The following STK3 variants were observed in gnomAD, a reference collection of about 807,000 sequenced individuals.
STK3 encodes serine/threonine kinase 3.
A neutral mutation model predicts 58.0 loss-of-function variants in STK3; 41 were observed. The ratio of observed to expected loss-of-function variants is 0.71; its 90% CI spans 0.55 to 0.92. The LOEUF is 0.92. STK3 is among the 40% of genes least tolerant of loss of function. The probability of loss-of-function intolerance (pLI) is 0.00; values close to 1 mark genes in which losing one functional copy is unlikely to be tolerated. For missense variants in STK3, 479 were observed against 602.7 expected (o/e 0.79, Z 2.15); for synonymous variants, 170 against 191.0 (o/e 0.89, Z 0.91).
At chr8:98,915,432 CTATATATATA>C (rs56187203) in intron 1 of STK3, among the ~76,000 whole-genome samples, 2,279 of 94,736 alleles carry the variant, frequency 0.024, 202 homozygotes, top group African/African-American at 0.11. Flanking sequence ...ATAAACTTTC[CTATATATATA>C]TATATATATA....
intron 3 of STK3, among the ~76,000 whole-genome samples, chr8:98,843,944 G>A (rs2131815471): frequency 6.6e-6 from 1 of 152,336 alleles, no homozygotes; most frequent in South Asian, 2.1e-4. Context: ...AGTATCGCTT[G>A]AGCCCAGGAG....
At chr8:98,661,419 C>G (rs1169969069) in intron 6 of STK3, among the ~76,000 whole-genome samples, 1 of 152,030 alleles carries the variant, frequency 6.6e-6, no homozygotes, top group Non-Finnish European at 1.5e-5. Context: ...CCCTTTTTCT[C>G]TATCACCGCA....
intron 1 of STK3, among the ~76,000 whole-genome samples, chr8:98,933,001 G>A (rs1166711534): frequency 6.6e-6 from 1 of 152,170 alleles, no homozygotes; most frequent in Non-Finnish European, 1.5e-5. Flanking sequence ...CTGAGCCTCT[G>A]TGGCCACATA....
At chr8:98,802,643 T>G (rs1170140621) in intron 1 of STK3, among the ~76,000 whole-genome samples, 1 of 152,062 alleles carries the variant, frequency 6.6e-6, no homozygotes, top group African/African-American at 2.4e-5. Flanking sequence ...TTAGAAATAA[T>G]TAGACACAAA....
chr8:98,443,870 A>G (rs1818791464), intron 1 of STK3, among the ~76,000 whole-genome samples: 1 of 152,206 alleles, frequency 6.6e-6, no homozygotes, highest in African/African-American at 2.4e-5. Context: ...AGTTGAAGAC[A>G]TGCATCATAA....
intron 1 of STK3, among the ~76,000 whole-genome samples, chr8:98,797,963 G>C (rs1833285580): frequency 6.6e-6 from 1 of 152,168 alleles, no homozygotes; most frequent in Non-Finnish European, 1.5e-5. Flanking sequence ...GAATAAAGTA[G>C]AAACATTTTG....
At chr8:98,869,465 T>A (rs1837285544) in intron 3 of STK3, among the ~76,000 whole-genome samples, 2 of 152,148 alleles carry the variant, frequency 1.3e-5, no homozygotes, top group South Asian at 4.1e-4. Context: ...TCTCTAGATG[T>A]AATCATCCTG....
intron 9 of STK3, among the ~76,000 whole-genome samples, chr8:98,536,870 C>T (rs1809809239): frequency 6.6e-6 from 1 of 152,148 alleles, no homozygotes; most frequent in Admixed American, 6.6e-5. Flanking sequence ...CAGAAACATC[C>T]CAATTTCAAA....
chr8:98,437,378 G>C (rs931783286), intron 1 of STK3: 4 of 152,260 alleles, frequency 2.6e-5, no homozygotes, highest in Non-Finnish European at 5.9e-5. Flanking sequence ...AGGGATGACC[G>C]AGCCTGTGCC....
At chr8:98,858,116 CTCATGCCTGTAA>C (rs1278141874) in intron 3 of STK3, among the ~76,000 whole-genome samples, 1 of 151,218 alleles carries the variant, frequency 6.6e-6, no homozygotes, top group Non-Finnish European at 1.5e-5. Flanking sequence ...GGCACAGTGG[CTCATGCCTGTAA>C]TCCCAGTCCT....
Position 98,562,737 on chromosome 8 carries a change from G to GAAA in STK3, c.949-14579_949-14577dup, listed in dbSNP as rs778049177. On this transcript the variant is annotated intron_variant, in intron 8 of 10. Coordinates refer to ENST00000419617, the MANE Select transcript of STK3 (RefSeq NM_006281.4). ...TAAGACTCCCATCTCCACAAAAAAT[G>GAAA]AAAAAAAAAAAAAAAAAAAAAAAAA... Among the ~76,000 whole-genome samples the GAAA allele has an allele frequency of 1.4e-3, 25 of 17,382 alleles. 3 individuals are homozygous for GAAA. The highest frequency in any genetic ancestry group is 2.1e-3 in the Non-Finnish European group (22 of 10,406). The allele number at this position is 17,382 out of a possible 152,430, so 11.4% of individuals were successfully genotyped here.
At chr8:98,374,219 C>A (rs900225112) in intron 2 of STK3, among the ~76,000 whole-genome samples, 3 of 152,148 alleles carry the variant, frequency 2.0e-5, no homozygotes, top group African/African-American at 7.2e-5. Context: ...AAAAAGCATC[C>A]TGGGAGAAGC....
intron 6 of STK3, among the ~76,000 whole-genome samples, chr8:98,600,745 T>C (rs1338571775): frequency 6.6e-6 from 1 of 152,034 alleles, no homozygotes; most frequent in African/African-American, 2.4e-5. Flanking sequence ...AGTCAAACAA[T>C]TGAGGGTGCT....
At chr8:98,707,698 C>A (rs1041836848) in intron 4 of STK3, among the ~76,000 whole-genome samples, 3 of 152,058 alleles carry the variant, frequency 2.0e-5, no homozygotes, top group African/African-American at 7.2e-5. Flanking sequence ...AGCCACCATG[C>A]CTAGCCACAA....
chr8:98,408,403 C>T (rs765305188), intron 3 of STK3, among the ~76,000 whole-genome samples: 2 of 152,180 alleles, frequency 1.3e-5, no homozygotes, highest in Non-Finnish European at 2.9e-5. Context: ...TAGAACAGAT[C>T]AATTTGGGGA....
chr8:98,356,712 C>G, the STK3 span, among the ~76,000 whole-genome samples: 1 of 152,304 alleles, frequency 6.6e-6, no homozygotes, highest in African/African-American at 2.4e-5. Flanking sequence ...TTAGACCTCA[C>G]AAAAATGCGC....
chr8:98,389,694 G>A (rs1480412590), upstream of STK3, among the ~76,000 whole-genome samples: 1 of 150,544 alleles, frequency 6.6e-6, no homozygotes. Flanking sequence ...ATATCTCCCT[G>A]CTTAGTTCCA....
intron 1 of STK3, among the ~76,000 whole-genome samples, chr8:98,440,486 G>A (rs1818649586): frequency 6.6e-6 from 1 of 152,084 alleles, no homozygotes; most frequent in East Asian, 1.9e-4. Flanking sequence ...AAAACTCTGT[G>A]CCCAGTAAAC....
intron 3 of STK3, among the ~76,000 whole-genome samples, chr8:98,419,354 C>T (rs1454042706): frequency 6.6e-6 from 1 of 151,662 alleles, no homozygotes; most frequent in Admixed American, 6.6e-5. Flanking sequence ...GAGCGAGACT[C>T]CATCTCAAAA....
Sources: gnomAD v4.1 joint callset for allele counts (sites outside exome capture counted in the v4.1 genomes callset) on GRCh38, gnomAD v4.1.1 for gene constraint, MANE v1.5 for transcripts, NCBI Gene and HGNC (gene_info 2026-07-23, HGNC 2026-07-21) for gene names.